SLC2A9: variants seen among roughly 807,000 people sequenced by gnomAD.
SLC2A9 encodes solute carrier family 2, facilitated glucose transporter member 9.
A neutral mutation model predicts 50.6 loss-of-function variants in SLC2A9; 39 were observed. That is an observed-to-expected ratio of 0.77 (90% CI 0.60 to 1.01). SLC2A9 has a LOEUF of 1.01. SLC2A9 is among the 50% of genes least tolerant of loss of function. The pLI, the probability that SLC2A9 is intolerant of heterozygous loss-of-function variation, is 0.00. For synonymous variants in SLC2A9, 324 were observed against 276.9 expected (o/e 1.17, Z -1.69); for missense variants, 686 against 677.6 (o/e 1.01, Z -0.14).
chr4:9,774,195 T>C lies in SLC2A9; in HGVS notation n.182-2826A>G, dbSNP rs57713620. On this transcript the variant is annotated intron_variant and non_coding_transcript_variant, in intron 1 of 1. Transcript: ENST00000508585. ...TTTTAGTAGAGATGGGGTTTTGCCA[T>C]GTTGGTCAGGCTGGTCTTGAGCTCC... 2.2e-3 allele frequency among the ~76,000 whole-genome samples: 333 copies of C among 152,170 alleles called. 4 individuals carry two copies. In the East Asian group the frequency reaches 0.046, roughly 21 times the overall value.
At chr4:9,873,648 G>A (rs1454660113) in intron 10 of SLC2A9, among the ~76,000 whole-genome samples, 1 of 152,218 alleles carries the variant, frequency 6.6e-6, no homozygotes, top group Non-Finnish European at 1.5e-5. Context: ...AGACCAATGA[G>A]TGAGGCTACT....
downstream of SLC2A9, among the ~76,000 whole-genome samples, chr4:9,775,508 T>C (rs927364145): frequency 1.3e-5 from 2 of 152,130 alleles, no homozygotes; most frequent in Admixed American, 1.3e-4. Flanking sequence ...CAATCTCCAG[T>C]GCTGGAGTTG....
Position 9,915,362 on chromosome 4 carries a change from T to C in SLC2A9, c.1002+5023A>G, listed in dbSNP as rs571401789. Among the ~76,000 whole-genome samples, 1,299 of 152,336 alleles carry C rather than the reference T, an allele frequency of 8.5e-3. 6 individuals carry two copies. Among genetic ancestry groups the C allele is most frequent in the Middle Eastern group, 0.034 (10 of 294 alleles). On this transcript the variant is annotated intron_variant, in intron 7 of 11. Transcript: ENST00000264784. ...AAGTGATTCTCCTGCCTCAGCCTCC[T>C]GAGTATCTGGGATTACAGGCATGTG...
chr4:9,903,858 TATTTTATATATTATAA>T (rs1351358785), intron 8 of SLC2A9, among the ~76,000 whole-genome samples: 1 of 147,292 alleles, frequency 6.8e-6, no homozygotes, highest in Non-Finnish European at 1.5e-5. Context: ...ATATAAAATA[TATTTTATATATTATAA>T]ATTTTATATA....
intron 6 of SLC2A9, among the ~76,000 whole-genome samples, chr4:9,938,939 T>C (rs1293399025): frequency 6.6e-6 from 1 of 152,074 alleles, no homozygotes; most frequent in East Asian, 1.9e-4. Context: ...GATAGGAACA[T>C]CCCGAAAGGG....
At chr4:9,921,954 A>G in intron 6 of SLC2A9, among the ~76,000 whole-genome samples, 1 of 152,108 alleles carries the variant, frequency 6.6e-6, no homozygotes, top group African/African-American at 2.4e-5. Flanking sequence ...CATGGCTGCC[A>G]GGAAGCTCTC....
chr4:9,772,825 A>AT (rs71179491), intron 1 of SLC2A9, among the ~76,000 whole-genome samples: 108,736 of 147,730 alleles, frequency 0.74, 40,229 homozygotes, highest in Non-Finnish European at 0.8. Flanking sequence ...TTTTTTTTTT[A>AT]TTTTTTTTTT....
chr4:9,929,167 C>A (rs1165939988), intron 6 of SLC2A9, among the ~76,000 whole-genome samples: 16 of 152,232 alleles, frequency 1.1e-4, no homozygotes, highest in Non-Finnish European at 2.2e-4. Flanking sequence ...TCATTTAATT[C>A]TCGTATAACT....
intron 3 of SLC2A9, chr4:9,782,666 A>G (rs1252796500): frequency 6.2e-7 from 1 of 1,613,974 alleles, no homozygotes; most frequent in Admixed American, 1.7e-5. Context: ...GCCCGACGTG[A>G]ATGCAGAGAA....
Position 9,801,853 on chromosome 4 carries a change from T to C in SLC2A9, n.421-2612A>G, listed in dbSNP as rs185236622. Among the ~76,000 whole-genome samples, 3 of 152,170 alleles carry C rather than the reference T, an allele frequency of 2.0e-5. No individual in the cohort carries two copies. The East Asian group carries it at 5.8e-4, about 29-fold the overall frequency. On this transcript the variant is annotated intron_variant and non_coding_transcript_variant, in intron 3 of 3. Transcript: ENST00000503280. ...AGGGAGACCGGCCAAAGAGAATAGG[T>C]TTGGGAGTGCTGTGAAACTGCTGAA...
chr4:9,943,392 C>A (rs1748545078), intron 5 of SLC2A9, among the ~76,000 whole-genome samples: 1 of 152,178 alleles, frequency 6.6e-6, no homozygotes, highest in Admixed American at 6.5e-5. Flanking sequence ...TTCCATCGCC[C>A]TTTGAGGAAC....
At chr4:9,933,392 C>G (rs1391319845) in intron 6 of SLC2A9, among the ~76,000 whole-genome samples, 3 of 152,150 alleles carry the variant, frequency 2.0e-5, no homozygotes, top group African/African-American at 7.2e-5. Context: ...GGTGAACGCA[C>G]GGGCTCCAGG....
chr4:9,822,358 T>C (rs1417819293), downstream of SLC2A9, among the ~76,000 whole-genome samples: 1 of 152,158 alleles, frequency 6.6e-6, no homozygotes, highest in Non-Finnish European at 1.5e-5. Flanking sequence ...TTGCTTTTAT[T>C]TTTCTAGTTT....
chr4:9,954,656 G>A (rs1478886294), intron 5 of SLC2A9, among the ~76,000 whole-genome samples: 1 of 152,148 alleles, frequency 6.6e-6, no homozygotes, highest in Non-Finnish European at 1.5e-5. Flanking sequence ...CCCTTGGGTA[G>A]AGGGTGCAAG....
At chr4:9,884,662 T>TTACTTAG (rs2109695660) in intron 10 of SLC2A9, among the ~76,000 whole-genome samples, 1 of 152,232 alleles carries the variant, frequency 6.6e-6, no homozygotes, top group African/African-American at 2.4e-5. Context: ...AGCAATCCCA[T>TTACTTAG]TACTTAGTAT....
At chr4:9,839,581 C>T (rs1053771393) in intron 10 of SLC2A9, among the ~76,000 whole-genome samples, 1 of 151,980 alleles carries the variant, frequency 6.6e-6, no homozygotes, top group African/African-American at 2.4e-5. Context: ...ATCCTAGATG[C>T]CCATCAATGA....
At chr4:9,970,594 A>G (rs1366768289) in intron 5 of SLC2A9, among the ~76,000 whole-genome samples, 1 of 152,090 alleles carries the variant, frequency 6.6e-6, no homozygotes, top group Admixed American at 6.5e-5. Flanking sequence ...GGTTAAACAA[A>G]CAAAAAGAGT....
At chr4:9,853,630 C>T (rs1010465000) in intron 10 of SLC2A9, among the ~76,000 whole-genome samples, 5 of 152,162 alleles carry the variant, frequency 3.3e-5, no homozygotes, top group African/African-American at 9.7e-5. Flanking sequence ...GGGACCTGAA[C>T]TTAACACTGA....
chr4:9,987,088 C>T (rs1322429468), intron 3 of SLC2A9, among the ~76,000 whole-genome samples: 1 of 152,144 alleles, frequency 6.6e-6, no homozygotes. Context: ...AACAAGTTAA[C>T]TAGGTTGCTG....
Sources: gnomAD v4.1 joint callset for allele counts (sites outside exome capture counted in the v4.1 genomes callset) on GRCh38, gnomAD v4.1.1 for gene constraint, MANE v1.5 for transcripts, NCBI Gene and HGNC (gene_info 2026-07-23, HGNC 2026-07-21) for gene names.